RCCD1: variants seen among roughly 807,000 people sequenced by gnomAD.
RCCD1 encodes the protein RCC1 domain-containing protein 1.
RCCD1 carries 40 observed loss-of-function variants against 37.6 expected under a neutral mutation model. The ratio of observed to expected loss-of-function variants is 1.06; its 90% CI spans 0.83 to 1.39. The LOEUF is 1.39. RCCD1 is among the 40% of genes most tolerant of loss of function. RCCD1 has a pLI of 0.00. For synonymous variants in RCCD1, 263 were observed against 230.0 expected (o/e 1.14, Z -1.30); for missense variants, 577 against 517.3 (o/e 1.12, Z -1.12).
At position 90,962,880 on chromosome 15, in the gene RCCD1, A is replaced by G. The variant is rs1317745213; in HGVS notation, c.*1111A>G. 6.6e-6 allele frequency: 1 copy of G among 152,228 alleles called. No homozygotes were observed. Among genetic ancestry groups the G allele is most frequent in the Non-Finnish European group, 1.5e-5 (1 of 68,040 alleles). 9.4% of individuals were successfully genotyped at this position (152,228 alleles called of 1,614,324 possible). ...GTTTCAGTCTCTCTTGGTATTACCA[A>G]TTTTAATACTTAGGTGATGCTTACT... On this transcript the variant is annotated 3_prime_UTR_variant, in exon 8 of 8. Coordinates refer to ENST00000394258, the MANE Select transcript of RCCD1 (RefSeq NM_001017919.2).
chr15:90,954,934 G>T lies in RCCD1; in HGVS notation c.-138G>T, dbSNP rs1022690156. ...CGCGTGTCGGGTTTTGAGCTGCCGC[G>T]GTCCCGGGACTGAGGTGGGTGGCGG... is the stretch of plus-strand genomic sequence containing the variant. On this transcript the variant is annotated 5_prime_UTR_variant, in exon 1 of 8. Transcript: ENST00000394258. The T allele has an allele frequency of 2.0e-5, 3 of 152,464 alleles. No homozygotes were observed. Among genetic ancestry groups the T allele is most frequent in the Non-Finnish European group, 4.4e-5 (3 of 68,204 alleles). 9.4% of individuals were successfully genotyped at this position (152,464 alleles called of 1,614,324 possible).
Position 90,957,363 on chromosome 15 carries a change from C to A in RCCD1, c.417C>A (p.Cys139Ter). Reference protein sequence around the residue: ...AQAGRLPLLPCARAYVSPRAP... With the variant: ...AQAGRLPLLP ...CTGGGAGGCTACCCCTGCTGCCCTG[C>A]GCCCGTGCCTACGTGAGCCCGCGGG... The change falls in exon 3 of 8, where the codon TGC (cysteine) becomes TGA (stop). Residue 139 changes from cysteine to a stop codon, truncating the protein, a stop_gained. Transcript: ENST00000394258. LOFTEE classifies it high-confidence loss of function. The A allele has an allele frequency of 6.5e-7, 1 of 1,546,102 alleles. No homozygotes were observed. Among genetic ancestry groups the A allele is most frequent in the Non-Finnish European group, 8.7e-7 (1 of 1,146,010 alleles).
At chr15:90,961,157 C>CTCGG in intron 7 of RCCD1, 103 bp downstream of exon 7, 1 of 1,157,204 alleles carries the variant, frequency 8.6e-7, no homozygotes, top group Non-Finnish European at 1.3e-6. Context: ...AAGCAGGGGC[C>CTCGG]TCGGCCAGGT....
At chr15:90,961,125 A>T in intron 7 of RCCD1, 71 bp downstream of exon 7, 3 of 1,447,462 alleles carry the variant, frequency 2.1e-6, no homozygotes, top group Non-Finnish European at 2.9e-6. Flanking sequence ...AGGGCAGGTG[A>T]CAAAGCCAAC....
In RCCD1 at chr15:90,959,884, C is replaced by A. The variant is rs1381333854; in HGVS notation, c.680-16C>A. The A allele has an allele frequency of 1.3e-6, 2 of 1,588,598 alleles. No homozygotes were observed. The highest frequency in any genetic ancestry group is 1.3e-5 in the African/African-American group (1 of 74,370). ...GCTTCACAGTCTGTTTCATGTGTCC[C>A]CTTGATCTCTTTCAGAGACTGGGGA... On this transcript the variant is annotated splice_polypyrimidine_tract_variant and intron_variant, in intron 4 of 7. Coordinates refer to ENST00000394258, the MANE Select transcript of RCCD1 (RefSeq NM_001017919.2).
In RCCD1 at chr15:90,957,740, G is replaced by A. The variant is rs765607176; in HGVS notation, c.679+15G>A. 1.9e-6 allele frequency: 3 copies of A among 1,591,146 alleles called. No individual in the cohort carries two copies. The East Asian group carries it at 6.7e-5, about 36-fold the overall frequency. ...GTGTGTGAGTGGTGAGTGACTTAGTGCTTCTCCAGACGAGCTCATGATCTT... is the reference window on the plus strand; with the variant it reads ...GTGTGTGAGTGGTGAGTGACTTAGTACTTCTCCAGACGAGCTCATGATCTT... On this transcript the variant is annotated intron_variant, in intron 4 of 7. Coordinates refer to ENST00000394258, the MANE Select transcript of RCCD1 (RefSeq NM_001017919.2).
chr15:90,956,958 C>T, intron 2 of RCCD1, 58 bp downstream of exon 2: 5 of 1,270,336 alleles, frequency 3.9e-6, no homozygotes, highest in East Asian at 3.1e-5. Context: ...GTCGCCTCCC[C>T]GCACCGCTGT....
intron 2 of RCCD1, 91 bp downstream of exon 2, chr15:90,956,991 C>T (rs2037209472): frequency 3.1e-6 from 4 of 1,283,474 alleles, no homozygotes; most frequent in Non-Finnish European, 3.9e-6. Context: ...TTGTCTCCCC[C>T]GTTCAGGCCG....
intron 4 of RCCD1, 89 bp downstream of exon 4, chr15:90,957,814 G>C: frequency 6.8e-7 from 1 of 1,477,306 alleles, no homozygotes; most frequent in Non-Finnish European, 9.1e-7. Flanking sequence ...GCCTACCCAG[G>C]CCTCCTTCCA....
chr15:90,956,496 A>G (rs1181175078), intron 1 of RCCD1, 116 bp from the exon 2 acceptor site: 1 of 389,764 alleles, frequency 2.6e-6, no homozygotes. Flanking sequence ...GCCTCTAAAT[A>G]TTTGAGCATC....
rs1285646940 is a variant in RCCD1 at position 90,956,835 on chromosome 15, C to T, written c.101C>T (p.Pro34Leu). 3 of 1,297,520 alleles carry T rather than the reference C, an allele frequency of 2.3e-6. No individual in the cohort carries two copies. Among genetic ancestry groups the T allele is most frequent in the Non-Finnish European group, 2.9e-6 (3 of 1,022,836 alleles). The allele number at this position is 1,297,520 out of a possible 1,614,324, so 80.4% of individuals were successfully genotyped here. A position where few individuals can be genotyped will look rare whatever the true frequency, so the allele number is the denominator to read the frequency against. ...GGGCGCCAGGTGCACAGCCCCAGTC[C>T]GCTGCGGGCGGGCGTCGACATCTGC... ...GRGRQVHSPS[P>L]LRAGVDICRV... is the part of the protein sequence containing the mutation. The change falls in exon 2 of 8, where the codon CCG becomes CTG. Residue 34 changes from proline (P) to leucine (L), a missense_variant. Coordinates refer to ENST00000394258, the MANE Select transcript of RCCD1 (RefSeq NM_001017919.2).
At chr15:90,961,432 C>T (rs1275521006) in intron 7 of RCCD1, 186 bp from the exon 8 acceptor site, 3 of 618,640 alleles carry the variant, frequency 4.8e-6, no homozygotes, top group South Asian at 2.1e-5. Context: ...AGCGTCTTGC[C>T]TGGAGTGGCT....
chr15:90,959,878 G>A (rs1460153811), intron 4 of RCCD1, 22 bp from the exon 5 acceptor site: 1 of 1,553,586 alleles, frequency 6.4e-7, no homozygotes, highest in South Asian at 1.1e-5. Flanking sequence ...TCTGTTTCAT[G>A]TGTCCCCTTG....
chr15:90,957,751 C>G (rs764498604), intron 4 of RCCD1, 26 bp downstream of exon 4: 4 of 1,579,046 alleles, frequency 2.5e-6, no homozygotes, highest in Non-Finnish European at 3.4e-6. Flanking sequence ...CTTCTCCAGA[C>G]GAGCTCATGA....
At chr15:90,955,264 C>T (rs2037148159) in intron 1 of RCCD1, 1 of 152,298 alleles carries the variant, frequency 6.6e-6, no homozygotes, top group Non-Finnish European at 1.5e-5. Flanking sequence ...GCGGCGACGT[C>T]ACCGCCCTTG....
In RCCD1 at chr15:90,961,895, G is replaced by T; in HGVS notation, c.*126G>T. The T allele has an allele frequency of 1.1e-6, 1 of 915,238 alleles. No individual in the cohort carries two copies. The highest frequency in any genetic ancestry group is 1.7e-5 in the South Asian group (1 of 57,840). The allele number at this position is 915,238 out of a possible 1,614,324, so 56.7% of individuals were successfully genotyped here. On this transcript the variant is annotated 3_prime_UTR_variant, in exon 8 of 8. Transcript: ENST00000394258. ...TCACAGTCCTGCCCTTCACCCTCAA[G>T]CACGGTCCTAAACTTGTCTGCACTT...
At chr15:90,961,486 T>C in intron 7 of RCCD1, 132 bp from the exon 8 acceptor site, 1 of 1,110,346 alleles carries the variant, frequency 9.0e-7, no homozygotes, top group Non-Finnish European at 1.3e-6. Context: ...TGCCTGGCTC[T>C]GGGTCTCTTG....
chr15:90,959,805 T>G, intron 4 of RCCD1, 95 bp from the exon 5 acceptor site: 1 of 963,210 alleles, frequency 1.0e-6, no homozygotes, highest in Non-Finnish European at 1.6e-6. Context: ...GGGCAGGCTT[T>G]AGTTGTCCCC....
In RCCD1 at chr15:90,960,375, G is replaced by A. The variant is rs755068763; in HGVS notation, c.826G>A (p.Ala276Thr). ...DGSQVKRTGGAEDGAPAPFIA... is the reference protein window; with the variant it reads ...DGSQVKRTGGTEDGAPAPFIA... ...TTCTCAGGTGAAGAGAACGGGTGGG[G>A]CTGAGGATGGAGCCCCTGCCCCCTT... The change falls in exon 6 of 8, where the codon GCT (alanine) becomes ACT (threonine). Residue 276 changes from alanine (A) to threonine (T), a missense_variant. Transcript: ENST00000394258. The A allele has an allele frequency of 6.2e-7, 1 of 1,613,526 alleles. No individual in the cohort carries two copies. Among genetic ancestry groups the A allele is most frequent in the South Asian group, 1.1e-5 (1 of 91,044 alleles).
Sources: gnomAD v4.1 joint callset for allele counts on GRCh38, gnomAD v4.1.1 for gene constraint, MANE v1.5 for transcripts, NCBI Gene and HGNC (gene_info 2026-07-23, HGNC 2026-07-21) for gene names.